KANK1: variants seen among roughly 807,000 people sequenced by gnomAD.
The protein encoded by KANK1 is KN motif and ankyrin repeat domains 1.
In KANK1, 109 loss-of-function variants were observed where a neutral mutation model predicts 106.2. The observed-to-expected ratio is 1.03, with a 90% CI of 0.88 to 1.20. KANK1 has a LOEUF of 1.20. Among genes scored for constraint, KANK1 ranks in the 50% most tolerant of loss-of-function variants. KANK1 has a pLI of 0.00. For missense variants in KANK1, 2,399 were observed against 1,710.7 expected (o/e 1.40, Z -7.10); for synonymous variants, 873 against 652.2 (o/e 1.34, Z -5.16).
At position 564,308 on chromosome 9, in the gene KANK1, C is replaced by T. The variant is rs143534441; in HGVS notation, c.-84+59554C>T. Among the ~76,000 whole-genome samples the T allele has an allele frequency of 2.3e-3, 347 of 152,076 alleles. 9 individuals carry two copies. In the East Asian group the frequency reaches 0.057, roughly 25 times the overall value. ...GACCTCCTGACCTCATGACTCCGCC[C>T]GCCTCAGCCTCCCAAAGTGCTGGGA... On this transcript the variant is annotated intron_variant, in intron 1 of 11. Transcript: ENST00000382297.
intron 1 of KANK1, among the ~76,000 whole-genome samples, chr9:583,552 C>G (rs1822695806): frequency 6.6e-6 from 1 of 151,980 alleles, no homozygotes; most frequent in South Asian, 2.1e-4. Flanking sequence ...TATGAAGGAT[C>G]CCTCAGTATC....
chr9:709,321 C>G (rs1825243729), intron 2 of KANK1, among the ~76,000 whole-genome samples: 1 of 152,196 alleles, frequency 6.6e-6, no homozygotes, highest in South Asian at 2.1e-4. Flanking sequence ...CCAGCTTTCT[C>G]AGCCGGGGAG....
intron 3 of KANK1, among the ~76,000 whole-genome samples, chr9:720,749 C>T (rs1293905533): frequency 3.9e-5 from 6 of 152,324 alleles, no homozygotes; most frequent in South Asian, 4.1e-4. Context: ...CCTCCAGCCT[C>T]AGCCCCTCAA....
chr9:616,811 A>C (rs1220911878), intron 1 of KANK1, among the ~76,000 whole-genome samples: 1 of 152,188 alleles, frequency 6.6e-6, no homozygotes, highest in East Asian at 1.9e-4. Flanking sequence ...TTTATAGCAG[A>C]GGAAGGAAAG....
At chr9:559,045 A>C (rs1259652976) in intron 1 of KANK1, 3 of 152,226 alleles carry the variant, frequency 2.0e-5, no homozygotes, top group Non-Finnish European at 4.4e-5. Context: ...ATCCGTGAAT[A>C]ATAAGGATGT....
chr9:510,185 A>C (rs1405271374), intron 1 of KANK1, among the ~76,000 whole-genome samples: 1 of 152,150 alleles, frequency 6.6e-6, no homozygotes, highest in Non-Finnish European at 1.5e-5. Flanking sequence ...AATTCTGAAA[A>C]TAATGGTGAG....
intron 1 of KANK1, among the ~76,000 whole-genome samples, chr9:581,398 G>A (rs1306727157): frequency 6.6e-6 from 1 of 152,228 alleles, no homozygotes; most frequent in Non-Finnish European, 1.5e-5. Context: ...TGATACAAGA[G>A]CCTTCTCGTA....
chr9:569,486 T>C (rs1818638077), intron 1 of KANK1, among the ~76,000 whole-genome samples: 1 of 152,102 alleles, frequency 6.6e-6, no homozygotes, highest in Non-Finnish European at 1.5e-5. Context: ...ACCATGTGAT[T>C]CCCTGTGCTG....
At chr9:506,901 C>T (rs182616353) in intron 1 of KANK1, among the ~76,000 whole-genome samples, 153 of 152,228 alleles carry the variant, frequency 1.0e-3, no homozygotes, top group African/African-American at 3.6e-3. Context: ...ATAGGGTGAG[C>T]AGATTCTGAA....
chr9:614,234 C>G (rs1457466971), intron 1 of KANK1, among the ~76,000 whole-genome samples: 1 of 152,134 alleles, frequency 6.6e-6, no homozygotes, highest in Non-Finnish European at 1.5e-5. Context: ...GTGTGTTTAG[C>G]AGATGGGGAT....
At chr9:614,985 G>A (rs531419246) in intron 1 of KANK1, among the ~76,000 whole-genome samples, 1 of 151,434 alleles carries the variant, frequency 6.6e-6, no homozygotes, top group African/African-American at 2.4e-5. Context: ...CAGGGTCTCA[G>A]GCTGGAGTGC....
intron 1 of KANK1, among the ~76,000 whole-genome samples, chr9:565,680 G>C (rs1817629999): frequency 6.6e-6 from 1 of 152,120 alleles, no homozygotes; most frequent in Non-Finnish European, 1.5e-5. Flanking sequence ...GACCAGTTGA[G>C]TCATGAGTCG....
intron 1 of KANK1, among the ~76,000 whole-genome samples, chr9:586,812 A>G (rs1260984624): frequency 6.6e-6 from 1 of 152,114 alleles, no homozygotes; most frequent in Non-Finnish European, 1.5e-5. Context: ...CTAAAGCAAA[A>G]GGGACTCTTT....
intron 1 of KANK1, among the ~76,000 whole-genome samples, chr9:631,237 C>T (rs1291343004): frequency 1.3e-5 from 2 of 152,078 alleles, no homozygotes; most frequent in Non-Finnish European, 2.9e-5. Context: ...ACAGCCTATG[C>T]CCAGCAAGCA....
chr9:534,996 G>A (rs147126269), intron 1 of KANK1, among the ~76,000 whole-genome samples: 7 of 152,248 alleles, frequency 4.6e-5, no homozygotes, highest in Admixed American at 3.3e-4. Context: ...CTTTCTTTGA[G>A]GATGCCCCCT....
At chr9:552,772 C>T (rs2061356802) in intron 1 of KANK1, among the ~76,000 whole-genome samples, 1 of 152,150 alleles carries the variant, frequency 6.6e-6, no homozygotes, top group Admixed American at 6.5e-5. Context: ...GATCAGGGTG[C>T]TTGTGGTTAG....
chr9:666,158 G>T (rs1023877295), intron 1 of KANK1, among the ~76,000 whole-genome samples: 1 of 151,886 alleles, frequency 6.6e-6, no homozygotes, highest in East Asian at 1.9e-4. Flanking sequence ...GCAAACCTGG[G>T]TGACAGAGCA....
intron 1 of KANK1, among the ~76,000 whole-genome samples, chr9:653,981 T>G (rs964865271): frequency 6.6e-6 from 1 of 152,224 alleles, no homozygotes; most frequent in Non-Finnish European, 1.5e-5. Context: ...CATGGATACT[T>G]CCTGGTTACA....
chr9:676,086 G>T (rs12342803), intron 1 of KANK1, among the ~76,000 whole-genome samples: 4,967 of 152,230 alleles, frequency 0.033, 223 homozygotes, highest in African/African-American at 0.1. Flanking sequence ...CTCCATCTTG[G>T]TTTTGGTGGG....
Sources: allele counts gnomAD v4.1 joint callset (sites outside exome capture counted in the v4.1 genomes callset), GRCh38; gene constraint gnomAD v4.1.1; transcripts MANE v1.5; gene names NCBI Gene and HGNC (gene_info 2026-07-23, HGNC 2026-07-21).